VPS35L: variants seen among roughly 807,000 people sequenced by gnomAD.
The protein encoded by VPS35L is VPS35 endosomal protein sorting factor like, also known as VPS35 endosomal protein-sorting factor-like.
VPS35L carries 83 observed loss-of-function variants against 133.0 expected under a neutral mutation model. That is an observed-to-expected ratio of 0.62 (90% CI 0.52 to 0.75). The LOEUF is 0.75. Among genes scored for constraint, VPS35L ranks in the 30% least tolerant of loss-of-function variants. The pLI is 0.00. For missense variants in VPS35L, 1,083 were observed against 1,206.8 expected, an observed-to-expected ratio of 0.90 and a Z score of 1.52; for synonymous variants, 423 against 449.9, an observed-to-expected ratio of 0.94 and a Z score of 0.76.
intron 7 of VPS35L, among the ~76,000 whole-genome samples, chr16:19,589,499 C>T (rs1353405160): frequency 1.3e-5 from 2 of 152,140 alleles, no homozygotes; most frequent in Non-Finnish European, 1.5e-5. Flanking sequence ...CCTGCCTCAG[C>T]CTCCCAAAGT....
intron 26 of VPS35L, among the ~76,000 whole-genome samples, chr16:19,653,911 G>A (rs998995000): frequency 6.6e-6 from 1 of 152,080 alleles, no homozygotes; most frequent in African/African-American, 2.4e-5. Context: ...TAACTCATGG[G>A]GGACTTCAGT....
intron 7 of VPS35L, chr16:19,587,477 G>GA: frequency 3.0e-6 from 1 of 336,904 alleles, no homozygotes; most frequent in Non-Finnish European, 5.8e-6. Flanking sequence ...TAAAAATACA[G>GA]AATTAGCTGT....
At chr16:19,563,457 T>G (rs1012822488) in intron 1 of VPS35L, among the ~76,000 whole-genome samples, 2 of 152,226 alleles carry the variant, frequency 1.3e-5, no homozygotes, top group African/African-American at 4.8e-5. Context: ...GCTTGATGTC[T>G]TTCTTTGGTT....
chr16:19,608,057 G>T, intron 9 of VPS35L, 121 bp from the exon 10 acceptor site: 2 of 700,658 alleles, frequency 2.9e-6, no homozygotes, highest in Non-Finnish European at 5.0e-6. Context: ...GTGATATTTG[G>T]AAGGAAAGAA....
rs1157148724 is a variant in VPS35L, at chr16:19,629,897, G to A, written c.1554+77G>A. ...ATAATAGTGAATTAGCCTAGTTTAG[G>A]TATTGAGGCATTTGACAACGGTACT... On this transcript the variant is annotated intron_variant, in intron 18 of 30. Coordinates refer to ENST00000417362, the MANE Select transcript of VPS35L (RefSeq NM_020314.7). The A allele has an allele frequency of 3.6e-6, 5 of 1,390,140 alleles. No homozygotes were observed. In the Admixed American group the frequency reaches 6.9e-5, roughly 19 times the overall value. The allele number at this position is 1,390,140 out of a possible 1,614,324, so 86.1% of individuals were successfully genotyped here. A position where few individuals can be genotyped will look rare whatever the true frequency, so the allele number is the denominator to read the frequency against.
chr16:19,661,851 A>G (rs957855235), intron 26 of VPS35L, among the ~76,000 whole-genome samples: 16 of 152,024 alleles, frequency 1.1e-4, no homozygotes, highest in African/African-American at 3.9e-4. Flanking sequence ...CCCTACTTCC[A>G]TCTCCACCTT....
intron 27 of VPS35L, among the ~76,000 whole-genome samples, chr16:19,678,977 T>G (rs1975161170): frequency 6.6e-6 from 1 of 152,190 alleles, no homozygotes; most frequent in Non-Finnish European, 1.5e-5. Context: ...TTGCATGGTC[T>G]GTCACAAGAC....
intron 6 of VPS35L, among the ~76,000 whole-genome samples, chr16:19,580,880 G>C (rs1403848390): frequency 6.6e-6 from 1 of 151,908 alleles, no homozygotes; most frequent in Non-Finnish European, 1.5e-5. Flanking sequence ...CTGAAATTGG[G>C]GTATATGTTC....
chr16:19,688,190 G>A (rs1294281592), intron 28 of VPS35L, among the ~76,000 whole-genome samples: 2 of 152,014 alleles, frequency 1.3e-5, no homozygotes, highest in African/African-American at 4.8e-5. Flanking sequence ...GCCTCCCAAA[G>A]TGCTGGGATT....
intron 16 of VPS35L, 43 bp downstream of exon 16, chr16:19,627,848 T>C (rs1383634649): frequency 2.7e-6 from 4 of 1,455,772 alleles, no homozygotes; most frequent in Admixed American, 1.7e-5. Context: ...AAATAAGCGG[T>C]GTGTATCTGA....
chr16:19,613,572 TG>T (rs1438752204), intron 12 of VPS35L, among the ~76,000 whole-genome samples: 1 of 152,244 alleles, frequency 6.6e-6, no homozygotes, highest in Non-Finnish European at 1.5e-5. Flanking sequence ...TAGCGGCCTC[TG>T]GCTTCCATCC....
At chr16:19,589,204 G>A (rs534304071) in intron 7 of VPS35L, among the ~76,000 whole-genome samples, 39 of 152,120 alleles carry the variant, frequency 2.6e-4, no homozygotes, top group Admixed American at 2.4e-3. Flanking sequence ...TCCTACTCAG[G>A]TCATCTTTGA....
chr16:19,574,166 C>T (rs771866399), intron 4 of VPS35L, among the ~76,000 whole-genome samples: 9 of 152,174 alleles, frequency 5.9e-5, no homozygotes, highest in Non-Finnish European at 1.0e-4. Context: ...TCCCTCCTTA[C>T]GCTGGAGAAA....
chr16:19,696,112 C>G (rs1975900843), intron 29 of VPS35L, among the ~76,000 whole-genome samples: 1 of 152,142 alleles, frequency 6.6e-6, no homozygotes, highest in Non-Finnish European at 1.5e-5. Context: ...TCTCGATCTC[C>G]TGACCTCATG....
intron 14 of VPS35L, among the ~76,000 whole-genome samples, chr16:19,622,034 G>A (rs983119373): frequency 6.6e-6 from 1 of 151,846 alleles, no homozygotes; most frequent in African/African-American, 2.4e-5. Flanking sequence ...CGAAGGCATG[G>A]GTTTCTGTGT....
chr16:19,556,242 A>G (rs1735492224), intron 1 of VPS35L, among the ~76,000 whole-genome samples: 1 of 152,178 alleles, frequency 6.6e-6, no homozygotes, highest in African/African-American at 2.4e-5. Context: ...CTTGGCCTCA[A>G]GGAGCTGACA....
At chr16:19,591,204 CTTAGAAAAGAATGT>C (rs1972032743) in intron 7 of VPS35L, among the ~76,000 whole-genome samples, 1 of 151,928 alleles carries the variant, frequency 6.6e-6, no homozygotes, top group Admixed American at 6.6e-5. Context: ...GGGGTCATTT[CTTAGAAAAGAATGT>C]TTAAGGATGC....
chr16:19,677,069 CTTT>C (rs5816063), intron 27 of VPS35L, among the ~76,000 whole-genome samples: 8 of 142,192 alleles, frequency 5.6e-5, no homozygotes, highest in Non-Finnish European at 4.6e-5. Context: ...TTCTTTTTTT[CTTT>C]TTTTTTTTTT....
chr16:19,652,522 G>T (rs1974166544), intron 26 of VPS35L: 1 of 163,984 alleles, frequency 6.1e-6, no homozygotes, highest in Admixed American at 5.9e-5. Flanking sequence ...AAAAAAAGAT[G>T]AATAAATGAT....
Sources: gnomAD v4.1 joint callset for allele counts (sites outside exome capture counted in the v4.1 genomes callset) on GRCh38, gnomAD v4.1.1 for gene constraint, MANE v1.5 for transcripts, NCBI Gene and HGNC (gene_info 2026-07-23, HGNC 2026-07-21) for gene names.